NUF2: variants seen among roughly 807,000 people sequenced by gnomAD.
The protein encoded by NUF2 is NUF2 component of NDC80 kinetochore complex.
Under a neutral mutation model 61.8 loss-of-function variants are expected in NUF2, and 34 were observed. The observed-to-expected ratio is 0.55, with a 90% CI of 0.42 to 0.73. The LOEUF (loss-of-function observed/expected upper bound fraction) is 0.73. Ranked by LOEUF, NUF2 falls within the 30% of genes least tolerant of loss-of-function variation. NUF2 has a pLI of 0.00. For missense variants in NUF2, 445 were observed against 539.1 expected, an observed-to-expected ratio of 0.83 and a Z score of 1.73; for synonymous variants, 172 against 181.6, an observed-to-expected ratio of 0.95 and a Z score of 0.42.
At chr1:163,344,107 G>C (rs113930309) in intron 10 of NUF2, among the ~76,000 whole-genome samples, 5 of 152,078 alleles carry the variant, frequency 3.3e-5, no homozygotes, top group Non-Finnish European at 5.9e-5. Flanking sequence ...TTCTCTGGGA[G>C]ATCAAAACAG....
intron 11 of NUF2, 129 bp downstream of exon 11, chr1:163,345,947 G>T: frequency 1.8e-6 from 1 of 570,376 alleles, no homozygotes; most frequent in East Asian, 3.0e-5. Context: ...TAATAGATGT[G>T]GCAATGTATG....
At chr1:163,325,165 G>C (rs1650375891) in intron 1 of NUF2, among the ~76,000 whole-genome samples, 1 of 152,166 alleles carries the variant, frequency 6.6e-6, no homozygotes, top group African/African-American at 2.4e-5. Flanking sequence ...CCAAAGTGCT[G>C]AGATTACAGG....
chr1:163,344,921 CA>C (rs1448896217), intron 10 of NUF2, among the ~76,000 whole-genome samples: 3 of 151,864 alleles, frequency 2.0e-5, no homozygotes, highest in Non-Finnish European at 4.4e-5. Flanking sequence ...TGCTCTTTTA[CA>C]AAAATAAATT....
At chr1:163,337,701 G>A (rs1326790105) in intron 6 of NUF2, among the ~76,000 whole-genome samples, 1 of 151,864 alleles carries the variant, frequency 6.6e-6, no homozygotes, top group Non-Finnish European at 1.5e-5. Context: ...ACTCTTGTTG[G>A]TTCCCATTAT....
intron 1 of NUF2, among the ~76,000 whole-genome samples, chr1:163,325,757 T>C (rs1261637439): frequency 6.6e-6 from 1 of 152,200 alleles, no homozygotes; most frequent in African/African-American, 2.4e-5. Flanking sequence ...ATCTATCTAT[T>C]CAACCAAAGT....
At chr1:163,352,059 CT>C (rs1350732530) in intron 13 of NUF2, among the ~76,000 whole-genome samples, 80 of 151,882 alleles carry the variant, frequency 5.3e-4, no homozygotes, top group African/African-American at 1.9e-3. Flanking sequence ...TTCTTTTTCT[CT>C]CTTTTGCTCA....
chr1:163,324,720 G>C (rs1450171404), intron 1 of NUF2, among the ~76,000 whole-genome samples: 2 of 152,042 alleles, frequency 1.3e-5, no homozygotes, highest in African/African-American at 4.8e-5. Context: ...CTCTCTTGCT[G>C]TTACTACTGC....
chr1:163,349,638 C>T (rs1651246888), intron 13 of NUF2, among the ~76,000 whole-genome samples: 1 of 152,092 alleles, frequency 6.6e-6, no homozygotes, highest in Non-Finnish European at 1.5e-5. Flanking sequence ...CATTACTTTC[C>T]GTCATCCACA....
rs765895974 is a variant in NUF2 at position 163,345,723 on chromosome 1, T to C, written c.853T>C (p.Cys285Arg). The C allele has an allele frequency of 1.9e-6, 3 of 1,612,858 alleles. No homozygotes were observed. Among genetic ancestry groups the C allele is most frequent in the Non-Finnish European group, 2.5e-6 (3 of 1,179,018 alleles). Residue 285 changes from cysteine (C) to arginine (R), a missense_variant, in exon 11 of 14, where the codon TGC becomes CGC. Cys to Arg is a radical substitution (Grantham distance 180, BLOSUM62 -3). Transcript: ENST00000271452. ...KYEIYGDSVD[C>R]LPSCQLEVQL... ...TGAAATCTATGGAGACTCAGTTGAC[T>C]GCCTGCCTTCATGTCAGTTGGAAGT... is the stretch of plus-strand genomic sequence containing the variant.
rs139506221 is a variant in NUF2 at position 163,334,226 on chromosome 1, C to T, written c.338-2525C>T. Among the ~76,000 whole-genome samples, 266 of 152,264 alleles carry T rather than the reference C, an allele frequency of 1.7e-3. 5 individuals carry two copies. The East Asian group carries it at 0.03, about 17-fold the overall frequency. On this transcript the variant is annotated intron_variant, in intron 5 of 13. Transcript: ENST00000271452. Reference sequence around the variant, plus strand: ...TAAAATCCAATCCTCCACTGATTGACGCAGGTTCATTTTATATGTTTGCTA... The same window carrying T: ...TAAAATCCAATCCTCCACTGATTGATGCAGGTTCATTTTATATGTTTGCTA...
At chr1:163,355,075 G>C (rs1357245197) in intron 13 of NUF2, among the ~76,000 whole-genome samples, 2 of 151,890 alleles carry the variant, frequency 1.3e-5, no homozygotes. Context: ...AAATATGTTT[G>C]TTCTTATTGT....
At chr1:163,331,069 G>A (rs1650583706) in intron 5 of NUF2, among the ~76,000 whole-genome samples, 2 of 141,922 alleles carry the variant, frequency 1.4e-5, no homozygotes, top group East Asian at 2.0e-4. Context: ...GGGACTTTTA[G>A]TATAATGTCG....
At chr1:163,333,827 T>G (rs1650673355) in intron 5 of NUF2, among the ~76,000 whole-genome samples, 1 of 152,216 alleles carries the variant, frequency 6.6e-6, no homozygotes, top group South Asian at 2.1e-4. Flanking sequence ...ATTTTGACAT[T>G]TAAAAAATAC....
rs189794484 is a variant in NUF2, at chr1:163,321,959, G to A, written c.-274G>A. On this transcript the variant is annotated 5_prime_UTR_variant, in exon 1 of 14. Transcript: ENST00000271452. ...CGGAATGGGGCGGGACTTCCAGTAG[G>A]AGGCGGCAAGTTTGAAAAGTGATGA... 2.1e-3 allele frequency: 315 copies of A among 152,390 alleles called. 1 individual carries two copies. The highest frequency in any genetic ancestry group is 0.01 in the South Asian group (49 of 4,830). The allele number at this position is 152,390 out of a possible 1,614,324, so 9.4% of individuals were successfully genotyped here.
chr1:163,339,890 A>T (rs928948992), intron 8 of NUF2, among the ~76,000 whole-genome samples: 1 of 152,146 alleles, frequency 6.6e-6, no homozygotes, highest in African/African-American at 2.4e-5. Flanking sequence ...TTTTGGTCAC[A>T]TTCCTTTCAT....
At chr1:163,329,619 C>T (rs1225833805) in intron 5 of NUF2, among the ~76,000 whole-genome samples, 1 of 152,168 alleles carries the variant, frequency 6.6e-6, no homozygotes, top group African/African-American at 2.4e-5. Flanking sequence ...AGGTGCCACA[C>T]ACTTTTAAGT....
At chr1:163,354,706 G>C (rs909602516) in intron 13 of NUF2, among the ~76,000 whole-genome samples, 3 of 151,946 alleles carry the variant, frequency 2.0e-5, no homozygotes, top group African/African-American at 7.2e-5. Flanking sequence ...TTTAAGAATT[G>C]TTTTGTCTAA....
At chr1:163,323,583 G>A (rs1164871801) in intron 1 of NUF2, among the ~76,000 whole-genome samples, 1 of 152,122 alleles carries the variant, frequency 6.6e-6, no homozygotes, top group Non-Finnish European at 1.5e-5. Context: ...GGGCGTGGTA[G>A]TGTGTGCCTG....
chr1:163,339,190 C>T lies in NUF2; in HGVS notation c.510-191C>T, dbSNP rs1650858274. The T allele has an allele frequency of 1.1e-5, 6 of 525,612 alleles. No individual in the cohort carries two copies. The South Asian group carries it at 1.3e-4, about 12-fold the overall frequency. The allele number at this position is 525,612 out of a possible 1,614,324, so 32.6% of individuals were successfully genotyped here. A position where few individuals can be genotyped will look rare whatever the true frequency, so the allele number is the denominator to read the frequency against. ...ATTTGATAGTAGAAAACTGAAGGAG[C>T]TCATGTGATTTTTATTTTCTGCCTG... On this transcript the variant is annotated intron_variant, in intron 7 of 13. Transcript: ENST00000271452.
Sources: gnomAD v4.1 joint callset for allele counts (sites outside exome capture counted in the v4.1 genomes callset) on GRCh38, gnomAD v4.1.1 for gene constraint, MANE v1.5 for transcripts, NCBI Gene and HGNC (gene_info 2026-07-23, HGNC 2026-07-21) for gene names.